Variants in MYH15 observed in about 807,000 individuals in gnomAD.
MYH15 encodes myosin-15.
Under a neutral mutation model 240.5 loss-of-function variants are expected in MYH15, and 227 were observed. The ratio of observed to expected loss-of-function variants is 0.94; its 90% CI spans 0.85 to 1.05. The LOEUF is 1.05. Among genes scored for constraint, MYH15 ranks in the 50% least tolerant of loss-of-function variants. The pLI is 0.00. For missense variants in MYH15, 2,217 were observed against 2,247.5 expected, an observed-to-expected ratio of 0.99 and a Z score of 0.27; for synonymous variants, 785 against 796.7, an observed-to-expected ratio of 0.99 and a Z score of 0.25.
chr3:108,495,906 A>C (rs1397352713), intron 6 of MYH15, 34 bp from the exon 7 acceptor site: 9 of 1,508,196 alleles, frequency 6.0e-6, no homozygotes, highest in Non-Finnish European at 8.2e-6. Flanking sequence ...CAGCTGATGA[A>C]ACTATTAGTA....
chr3:108,477,657 C>G (rs1257009453), intron 11 of MYH15, among the ~76,000 whole-genome samples: 2 of 152,124 alleles, frequency 1.3e-5, no homozygotes, highest in African/African-American at 4.8e-5. Context: ...AGACAAGCAC[C>G]AATCAACAGA....
chr3:108,497,989 A>C (rs2083405427), intron 6 of MYH15, 63 bp downstream of exon 6: 1 of 1,442,668 alleles, frequency 6.9e-7, no homozygotes, highest in Non-Finnish European at 9.8e-7. Context: ...GTCCGGACAC[A>C]ACCTCCATGA....
intron 11 of MYH15, among the ~76,000 whole-genome samples, chr3:108,484,539 A>G: frequency 6.6e-6 from 1 of 152,018 alleles, no homozygotes; most frequent in East Asian, 1.9e-4. Context: ...AGTGCAGTGG[A>G]GCGATCTCGG....
chr3:108,495,776 T>C lies in MYH15; in HGVS notation c.711+4A>G. 1.9e-6 allele frequency: 3 copies of C among 1,605,008 alleles called. No individual in the cohort carries two copies. Among genetic ancestry groups the C allele is most frequent in the Non-Finnish European group, 2.6e-6 (3 of 1,173,408 alleles). On this transcript the variant is annotated splice_donor_region_variant and intron_variant, in intron 7 of 40. Coordinates refer to ENST00000693548, the MANE Select transcript of MYH15 (RefSeq NM_014981.3). Reference sequence around the variant, plus strand: ...TTGATATTATGCTAAATCATGTTACTTACAAAACGAGAGGAGTTGTCATTT... The same window carrying C: ...TTGATATTATGCTAAATCATGTTACCTACAAAACGAGAGGAGTTGTCATTT...
chr3:108,455,149 C>T (rs1469195881), intron 20 of MYH15, among the ~76,000 whole-genome samples: 1 of 152,126 alleles, frequency 6.6e-6, no homozygotes, highest in Admixed American at 6.6e-5. Context: ...TCATTAGGAA[C>T]AAACTGATGT....
chr3:108,525,277 A>C (rs1170200853), intron 1 of MYH15, among the ~76,000 whole-genome samples: 1 of 152,158 alleles, frequency 6.6e-6, no homozygotes, highest in Non-Finnish European at 1.5e-5. Flanking sequence ...AGATAGATAA[A>C]TAATGATGAA....
At chr3:108,513,153 C>T (rs1395954466), upstream of MYH15, among the ~76,000 whole-genome samples, 2 of 152,098 alleles carry the variant, frequency 1.3e-5, no homozygotes, top group Non-Finnish European at 2.9e-5. Flanking sequence ...ACAAATTAAC[C>T]TTGCCAGCAA....
At chr3:108,547,096 T>C in the MYH15 span, among the ~76,000 whole-genome samples, 1 of 151,986 alleles carries the variant, frequency 6.6e-6, no homozygotes, top group African/African-American at 2.4e-5. Context: ...TATATATATA[T>C]GTCTGAGGTG....
At chr3:108,451,473 C>T (rs2107575572) in intron 21 of MYH15, among the ~76,000 whole-genome samples, 1 of 152,014 alleles carries the variant, frequency 6.6e-6, no homozygotes, top group South Asian at 2.1e-4. Flanking sequence ...GAAAGCTTTC[C>T]TGCACTAATT....
At chr3:108,530,860 T>C (rs575024484), upstream of MYH15, among the ~76,000 whole-genome samples, 32 of 152,268 alleles carry the variant, frequency 2.1e-4, no homozygotes, top group Admixed American at 5.9e-4. Flanking sequence ...GATAAAAACA[T>C]TACAATAGTT....
intron 40 of MYH15, among the ~76,000 whole-genome samples, chr3:108,383,308 C>T (rs895510672): frequency 4.6e-5 from 7 of 152,096 alleles, no homozygotes; most frequent in Admixed American, 2.6e-4. Flanking sequence ...GACTACTTTA[C>T]ACTAATGAAT....
chr3:108,438,032 G>A (rs939306482), intron 24 of MYH15, among the ~76,000 whole-genome samples: 6 of 152,080 alleles, frequency 3.9e-5, no homozygotes, highest in East Asian at 1.9e-4. Flanking sequence ...CTCATTTCAC[G>A]GGTGGATAAG....
intron 23 of MYH15, 95 bp from the exon 24 acceptor site, chr3:108,440,008 A>G: frequency 9.1e-7 from 1 of 1,102,816 alleles, no homozygotes. Flanking sequence ...AAAACTACGC[A>G]TGAGGTATCC....
chr3:108,434,246 G>A (rs975373313), intron 25 of MYH15, among the ~76,000 whole-genome samples: 1 of 143,980 alleles, frequency 6.9e-6, no homozygotes, highest in African/African-American at 2.6e-5. Flanking sequence ...GCAATGGTGT[G>A]ATCTCAGCTC....
At chr3:108,511,594 A>C (rs1365994565), upstream of MYH15, among the ~76,000 whole-genome samples, 1 of 152,228 alleles carries the variant, frequency 6.6e-6, no homozygotes, top group Non-Finnish European at 1.5e-5. Context: ...TCATGATCTT[A>C]AATGAGAAGC....
At chr3:108,494,327 C>T (rs1056386272) in intron 7 of MYH15, among the ~76,000 whole-genome samples, 2 of 152,008 alleles carry the variant, frequency 1.3e-5, no homozygotes, top group African/African-American at 2.4e-5. Context: ...GTATACATAC[C>T]TATTTAGTAT....
chr3:108,383,457 T>C (rs1404340711), intron 40 of MYH15, 138 bp downstream of exon 40: 5 of 895,502 alleles, frequency 5.6e-6, no homozygotes, highest in Non-Finnish European at 8.0e-6. Flanking sequence ...GGGAAGATTT[T>C]ATTGGAACCC....
the MYH15 span, among the ~76,000 whole-genome samples, chr3:108,546,418 A>C: frequency 8.5e-5 from 13 of 152,304 alleles, no homozygotes; most frequent in African/African-American, 2.6e-4. Context: ...GGAGAGGCAA[A>C]ATCATGTTCA....
chr3:108,533,118 C>CTTT (rs10561890), upstream of MYH15, among the ~76,000 whole-genome samples: 14,211 of 97,576 alleles, frequency 0.15, 1,937 homozygotes, highest in East Asian at 0.39. Flanking sequence ...ACAATAAAAG[C>CTTT]TTTTTTTTTT....
Sources: allele counts gnomAD v4.1 joint callset (sites outside exome capture counted in the v4.1 genomes callset), GRCh38; gene constraint gnomAD v4.1.1; transcripts MANE v1.5; gene names NCBI Gene and HGNC (gene_info 2026-07-23, HGNC 2026-07-21).